Variants in ANKK1 observed in about 807,000 individuals in gnomAD.
ANKK1 encodes ankyrin repeat and protein kinase domain-containing protein 1.
ANKK1 carries 37 observed loss-of-function variants against 37.6 expected under a neutral mutation model. The ratio of observed to expected loss-of-function variants is 0.98; its 90% CI spans 0.76 to 1.29. The LOEUF (loss-of-function observed/expected upper bound fraction) is 1.29. ANKK1 is among the 50% of genes most tolerant of loss of function. ANKK1 has a pLI of 0.00. For synonymous variants in ANKK1, 415 were observed against 418.7 expected (o/e 0.99, Z 0.11); for missense variants, 1,019 against 990.6 (o/e 1.03, Z -0.39).
chr11:113,394,046 T>A (rs936707245), intron 2 of ANKK1, among the ~76,000 whole-genome samples: 3 of 152,218 alleles, frequency 2.0e-5, no homozygotes, highest in African/African-American at 7.2e-5. Flanking sequence ...CCCTGCACTT[T>A]CTTTTATTTG....
chr11:113,388,002 C>T lies in ANKK1; in HGVS notation c.118C>T (p.Arg40Trp). Residue 40 changes from arginine (R) to tryptophan (W), a missense_variant, in exon 1 of 8, where the codon CGG (arginine) becomes TGG (tryptophan). Arg to Trp is a moderately radical substitution (Grantham distance 101). Transcript: ENST00000303941. ...SGGFSQVFQA[R>W]HRRWRTEYAI... ...CGGCTTCAGCCAGGTGTTCCAGGCGCGGCACAGGCGCTGGCGGACGGAGTA... is the reference window on the plus strand; with the variant it reads ...CGGCTTCAGCCAGGTGTTCCAGGCGTGGCACAGGCGCTGGCGGACGGAGTA... The T allele has an allele frequency of 3.8e-6, 6 of 1,569,476 alleles. No individual in the cohort carries two copies. Among genetic ancestry groups the T allele is most frequent in the Non-Finnish European group, 5.2e-6 (6 of 1,163,268 alleles).
At chr11:113,393,920 A>C in intron 2 of ANKK1, 145 bp downstream of exon 2, 1 of 1,056,488 alleles carries the variant, frequency 9.5e-7, no homozygotes, top group Admixed American at 2.9e-5. Flanking sequence ...ATCACACTGC[A>C]ATAGAGATGG....
At chr11:113,395,219 G>T in intron 3 of ANKK1, 139 bp downstream of exon 3, 1 of 1,483,272 alleles carries the variant, frequency 6.7e-7, no homozygotes, top group Non-Finnish European at 9.2e-7. Flanking sequence ...GGCTGGAGAG[G>T]CAGAGGGCTG....
chr11:113,393,473 C>T lies in ANKK1; in HGVS notation c.186-8C>T. 6.2e-7 allele frequency: 1 copy of T among 1,605,812 alleles called. No homozygotes were observed. The highest frequency in any genetic ancestry group is 8.5e-7 in the Non-Finnish European group (1 of 1,174,434). On this transcript the variant is annotated splice_region_variant and splice_polypyrimidine_tract_variant and intron_variant, in intron 1 of 7. Transcript: ENST00000303941. ...CCCCCTTCCATATCTTGCTCCCCCT[C>T]TCCATAGCTCTGATGTGAATTACCT...
At chr11:113,398,465 C>A (rs1199002983) in intron 7 of ANKK1, among the ~76,000 whole-genome samples, 1 of 152,146 alleles carries the variant, frequency 6.6e-6, no homozygotes, top group Admixed American at 6.5e-5. Context: ...ATCCTTAAGA[C>A]CTCAGAGGGG....
chr11:113,391,365 A>G lies in ANKK1; in HGVS notation c.186-2116A>G, dbSNP rs1236891975. The stretch of plus-strand genomic sequence containing the variant: ...CTGTGAATGAGGAGAGCCATTGGAG[A>G]AGGGCAGTGACATGTTGTGACTTAG... On this transcript the variant is annotated intron_variant, in intron 1 of 7. Transcript: ENST00000303941. Among the ~76,000 whole-genome samples, 5 of 152,326 alleles carry G rather than the reference A, an allele frequency of 3.3e-5. 1 individual carries two copies. The highest frequency in any genetic ancestry group is 1.2e-4 in the African/African-American group (5 of 41,566).
At chr11:113,397,700 G>A (rs1043219902) in intron 6 of ANKK1, among the ~76,000 whole-genome samples, 1 of 152,142 alleles carries the variant, frequency 6.6e-6, no homozygotes, top group African/African-American at 2.4e-5. Context: ...GTTAACATGG[G>A]GCTCCCCCAG....
At chr11:113,392,510 C>T (rs1565649467) in intron 1 of ANKK1, among the ~76,000 whole-genome samples, 1 of 152,218 alleles carries the variant, frequency 6.6e-6, no homozygotes, top group Non-Finnish European at 1.5e-5. Flanking sequence ...ACATTGCCAG[C>T]AGTCTCTGAC....
intron 5 of ANKK1, 139 bp from the exon 6 acceptor site, chr11:113,397,085 T>C (rs1950644754): frequency 1.4e-6 from 1 of 701,332 alleles, no homozygotes; most frequent in African/African-American, 1.8e-5. Context: ...GTTTCCTGCC[T>C]TCTCGTGCAT....
chr11:113,395,827 T>G lies in ANKK1; in HGVS notation c.683-240T>G, dbSNP rs1950632989. Among the ~76,000 whole-genome samples, 3 of 152,234 alleles carry G rather than the reference T, an allele frequency of 2.0e-5. No individual in the cohort carries two copies. In the South Asian group the frequency reaches 6.2e-4, roughly 32 times the overall value. On this transcript the variant is annotated intron_variant, in intron 4 of 7. Transcript: ENST00000303941. Reference sequence around the variant, plus strand: ...CTGCTGCCTTTGGACAGCACAGACCTGCAATGTGGGGTCATGTCTAGTCTT... The same window carrying G: ...CTGCTGCCTTTGGACAGCACAGACCGGCAATGTGGGGTCATGTCTAGTCTT...
Position 113,400,295 on chromosome 11 carries a change from G to A in ANKK1, c.*28G>A, listed in dbSNP as rs940438684. On this transcript the variant is annotated 3_prime_UTR_variant, in exon 8 of 8. Coordinates refer to ENST00000303941, the MANE Select transcript of ANKK1 (RefSeq NM_178510.2). The stretch of plus-strand genomic sequence containing the variant: ...AACTTGGCCAGCCGTGGTGGCTCAC[G>A]TCTGTAATCCCAGCACTTTGGGAGG... 7 of 1,509,098 alleles carry A rather than the reference G, an allele frequency of 4.6e-6. No individual in the cohort carries two copies. The highest frequency in any genetic ancestry group is 1.4e-5 in the African/African-American group (1 of 72,216). The allele number at this position is 1,509,098 out of a possible 1,614,324, so 93.5% of individuals were successfully genotyped here. A position where few individuals can be genotyped will look rare whatever the true frequency, so the allele number is the denominator to read the frequency against.
In ANKK1 at chr11:113,397,970, G is replaced by T; in HGVS notation, c.958-10G>T. On this transcript the variant is annotated splice_polypyrimidine_tract_variant and intron_variant, in intron 6 of 7. Coordinates refer to ENST00000303941, the MANE Select transcript of ANKK1 (RefSeq NM_178510.2). ...GATCTCCACCCTGCCTGCTGGTTATGCCTCCCCAGGTTAATGAGGACATCA... is the reference window on the plus strand; with the variant it reads ...GATCTCCACCCTGCCTGCTGGTTATTCCTCCCCAGGTTAATGAGGACATCA... The T allele has an allele frequency of 1.3e-6, 2 of 1,558,316 alleles. No homozygotes were observed. Among genetic ancestry groups the T allele is most frequent in the Non-Finnish European group, 1.7e-6 (2 of 1,150,616 alleles).
rs1168687359 is a variant in ANKK1, at chr11:113,393,595, T to C, written c.300T>C (p.Phe100=). Residue 100 remains phenylalanine, a synonymous_variant, in exon 2 of 8, where the codon TTT becomes TTC. Coordinates refer to ENST00000303941, the MANE Select transcript of ANKK1 (RefSeq NM_178510.2). ...AGCCCCTGGGTATTGTGATGGAGTTTATGGCCAACGGCTCCCTGGAGAAGG... is the reference window on the plus strand; with the variant it reads ...AGCCCCTGGGTATTGTGATGGAGTTCATGGCCAACGGCTCCCTGGAGAAGG... The part of the protein sequence containing the change: ...CKQPLGIVME[F]MANGSLEKVL... The C allele has an allele frequency of 6.2e-6, 10 of 1,613,934 alleles. No homozygotes were observed. Among genetic ancestry groups the C allele is most frequent in the Non-Finnish European group, 7.6e-6 (9 of 1,179,902 alleles).
rs958673288 is a variant in ANKK1 at position 113,395,380 on chromosome 11, G to A, written c.654G>A (p.Glu218=). 6.2e-7 allele frequency: 1 copy of A among 1,613,960 alleles called. No homozygotes were observed. Among genetic ancestry groups the A allele is most frequent in the African/African-American group, 1.3e-5 (1 of 75,046 alleles). Residue 218 remains glutamate (E), a synonymous_variant, in exon 4 of 8, where the codon GAG becomes GAA. Coordinates refer to ENST00000303941, the MANE Select transcript of ANKK1 (RefSeq NM_178510.2). ...ACAGCTTTGCAATTGTCATCTGGGA[G>A]CTACTCACTCAGAAGAAACCATACT... ...DVYSFAIVIW[E]LLTQKKPYSG...
At chr11:113,390,739 A>AC (rs970358295) in intron 1 of ANKK1, among the ~76,000 whole-genome samples, 1 of 151,902 alleles carries the variant, frequency 6.6e-6, no homozygotes, top group African/African-American at 2.4e-5. Context: ...TGGTCTCAAA[A>AC]AAAAAAAAAA....
At chr11:113,395,313 T>G (rs1009031943) in intron 3 of ANKK1, 46 bp from the exon 4 acceptor site, 1 of 1,611,544 alleles carries the variant, frequency 6.2e-7, no homozygotes, top group Non-Finnish European at 8.5e-7. Context: ...GGGGTGATCT[T>G]GGATGTTCAA....
In ANKK1 at chr11:113,399,400, A is replaced by G. The variant is rs1950671635; in HGVS notation, c.1431A>G (p.Ala477=). ...LAAQNNFENV[A]RLLVSRQADP... ...CACAGAATAACTTTGAGAATGTGGC[A>G]CGGCTTCTGGTCTCCCGTCAGGCTG... Residue 477 remains alanine (A), a synonymous_variant, in exon 8 of 8, where the codon GCA becomes GCG. Coordinates refer to ENST00000303941, the MANE Select transcript of ANKK1 (RefSeq NM_178510.2). 1 of 1,600,692 alleles carries G rather than the reference A, an allele frequency of 6.2e-7. No individual in the cohort carries two copies. Among genetic ancestry groups the G allele is most frequent in the Admixed American group, 1.7e-5 (1 of 58,418 alleles).
intron 1 of ANKK1, among the ~76,000 whole-genome samples, chr11:113,393,010 G>A (rs1052427526): frequency 8.5e-5 from 13 of 152,244 alleles, no homozygotes; most frequent in African/African-American, 3.1e-4. Context: ...TGCATCCCTG[G>A]TAACTTATTT....
At chr11:113,398,439 GAGC>G (rs1255941998) in intron 7 of ANKK1, among the ~76,000 whole-genome samples, 3 of 152,120 alleles carry the variant, frequency 2.0e-5, no homozygotes, top group African/African-American at 7.2e-5. Context: ...CCACTGGGTA[GAGC>G]AGAAGGATGT....
Sources: gnomAD v4.1 joint callset for allele counts (sites outside exome capture counted in the v4.1 genomes callset) on GRCh38, gnomAD v4.1.1 for gene constraint, MANE v1.5 for transcripts, NCBI Gene and HGNC (gene_info 2026-07-23, HGNC 2026-07-21) for gene names.